Variants in KLHL41 observed in about 807,000 individuals in gnomAD.
The protein encoded by KLHL41 is kelch-like protein 41.
A neutral mutation model predicts 49.2 loss-of-function variants in KLHL41; 31 were observed. The observed-to-expected ratio is 0.63, with a 90% CI of 0.47 to 0.85. KLHL41 has a LOEUF of 0.85. Among genes scored for constraint, KLHL41 ranks in the 40% least tolerant of loss-of-function variants. KLHL41 has a pLI of 0.00. For missense variants in KLHL41, 663 were observed against 726.7 expected (o/e 0.91, Z 1.01); for synonymous variants, 218 against 258.5 (o/e 0.84, Z 1.50).
rs1418450331 is a variant in KLHL41, at chr2:169,525,679, A to C, written c.1804A>C (p.Lys602Gln). Residue 602 changes from lysine (K) to glutamine (Q), a missense_variant, in exon 6 of 6, where the codon AAA becomes CAA. Around this residue, in one of 3 missense-constraint regions of KLHL41, gnomAD observed 528 missense variants for 581.0 expected, o/e 0.91. Coordinates refer to ENST00000284669, the MANE Select transcript of KLHL41 (RefSeq NM_006063.3). The part of the protein sequence containing the change: ...SCLATRLNLF[K>Q]LSKL Reference sequence around the variant, plus strand: ...CCTAGCAACACGTTTAAATCTCTTCAAACTGTCTAAACTGTGAACAAGGTG... The same window carrying C: ...CCTAGCAACACGTTTAAATCTCTTCCAACTGTCTAAACTGTGAACAAGGTG... 7 of 1,597,856 alleles carry C rather than the reference A, an allele frequency of 4.4e-6. No homozygotes were observed. Among genetic ancestry groups the C allele is most frequent in the Non-Finnish European group, 6.0e-6 (7 of 1,165,480 alleles).
At chr2:169,522,526 G>GA (rs1178460689) in intron 5 of KLHL41, among the ~76,000 whole-genome samples, 1 of 151,942 alleles carries the variant, frequency 6.6e-6, no homozygotes, top group Non-Finnish European at 1.5e-5. Context: ...GGGTTTTTTG[G>GA]AAAACAGGGC....
Position 169,510,300 on chromosome 2 carries a change from G to A in KLHL41, c.522G>A (p.Leu174=). The A allele has an allele frequency of 6.2e-7, 1 of 1,614,054 alleles. No individual in the cohort carries two copies. Among genetic ancestry groups the A allele is most frequent in the Non-Finnish European group, 8.5e-7 (1 of 1,180,018 alleles). Residue 174 remains leucine (L), a synonymous_variant, in exon 1 of 6, where the codon CTG becomes CTA. Coordinates refer to ENST00000284669, the MANE Select transcript of KLHL41 (RefSeq NM_006063.3). This position sits in a 1 kb window ranked among gnomAD's most constrained non-coding sequence, Gnocchi z 4.2. ...GTAAGGAAGAGGACTTTATGCAACTGTCTCCACAGGAACTGATCTCAGTCA... is the reference window on the plus strand; with the variant it reads ...GTAAGGAAGAGGACTTTATGCAACTATCTCCACAGGAACTGATCTCAGTCA... ...QICKEEDFMQ[L]SPQELISVIS...
At chr2:169,511,424 A>T (rs2105308505) in intron 1 of KLHL41, among the ~76,000 whole-genome samples, 1 of 152,288 alleles carries the variant, frequency 6.6e-6, no homozygotes, top group Non-Finnish European at 1.5e-5. Flanking sequence ...TAGTTTCCCT[A>T]AATCAAAGTT....
intron 4 of KLHL41, among the ~76,000 whole-genome samples, chr2:169,520,230 C>T (rs1313491194): frequency 1.5e-5 from 2 of 132,040 alleles, no homozygotes; most frequent in Non-Finnish European, 3.1e-5. Context: ...TTTTGTTGCC[C>T]AGGCTGGTCT....
rs150768955 is a variant in KLHL41 at position 169,510,859 on chromosome 2, G to C, written c.1081G>C (p.Asp361His). Residue 361 changes from aspartate to histidine, a missense_variant, in exon 1 of 6, where the codon GAT (aspartate) becomes CAT (histidine). By Grantham distance (81) the Asp-to-His change is moderately conservative. Around this residue, in one of 3 missense-constraint regions of KLHL41, gnomAD observed 528 missense variants for 581.0 expected, o/e 0.91. Transcript: ENST00000284669. The surrounding 1 kb of genome is among the most constrained non-coding windows in gnomAD (Gnocchi z 4.2). ...GGLYVDEENK[D>H]QPLQSYFFQL... ...ACTATATGTGGATGAAGAAAATAAG[G>C]ATCAACCTCTACAGTCATACTTCTT... 47 of 1,613,682 alleles carry C rather than the reference G, an allele frequency of 2.9e-5. No individual in the cohort carries two copies. Among genetic ancestry groups the C allele is most frequent in the Non-Finnish European group, 4.0e-5 (47 of 1,179,888 alleles).
chr2:169,519,936 A>G (rs1004394672), intron 4 of KLHL41, among the ~76,000 whole-genome samples: 2 of 151,940 alleles, frequency 1.3e-5, no homozygotes, highest in African/African-American at 4.8e-5. Context: ...ATGAAGTTAC[A>G]TCTTTCAAAT....
Position 169,510,920 on chromosome 2 carries a change from T to TA in KLHL41, c.1110+35dup. Reference sequence around the variant, plus strand: ...AGGACTTTTTGTATATGTAGTTGCTTAAAGGGAAGGCTGTTACTCACCATC... The same window carrying TA: ...AGGACTTTTTGTATATGTAGTTGCTTAAAAGGGAAGGCTGTTACTCACCATC... On this transcript the variant is annotated intron_variant, in intron 1 of 5. Coordinates refer to ENST00000284669, the MANE Select transcript of KLHL41 (RefSeq NM_006063.3). This position sits in a 1 kb window ranked among gnomAD's most constrained non-coding sequence, Gnocchi z 4.2. The TA allele has an allele frequency of 1.9e-6, 3 of 1,575,494 alleles. No individual in the cohort carries two copies. The highest frequency in any genetic ancestry group is 2.6e-6 in the Non-Finnish European group (3 of 1,155,896).
rs750026218 is a variant in KLHL41, at chr2:169,510,525, G to GA, written c.754dup (p.Ile252AsnfsTer16). On this transcript the variant is annotated frameshift_variant, in exon 1 of 6. Coordinates refer to ENST00000284669, the MANE Select transcript of KLHL41 (RefSeq NM_006063.3). LOFTEE classifies it high-confidence loss of function. This position sits in a 1 kb window ranked among gnomAD's most constrained non-coding sequence, Gnocchi z 4.2. ...TAATTAAAAGCAACCCAGACCTCCAGAAAAAAATCAAAGTTCTAAAAGATG... is the reference window on the plus strand; with the variant it reads ...TAATTAAAAGCAACCCAGACCTCCAGAAAAAAAATCAAAGTTCTAAAAGATG... 9 of 1,613,086 alleles carry GA rather than the reference G, an allele frequency of 5.6e-6. No homozygotes were observed. Among genetic ancestry groups the GA allele is most frequent in the South Asian group, 3.3e-5 (3 of 90,898 alleles).
intron 3 of KLHL41, among the ~76,000 whole-genome samples, chr2:169,516,641 T>C (rs1243559177): frequency 6.6e-6 from 1 of 152,224 alleles, no homozygotes; most frequent in African/African-American, 2.4e-5. Flanking sequence ...TCAGTAGGAA[T>C]ATATCAATCT....
At position 169,510,074 on chromosome 2, in the gene KLHL41, AT is replaced by A; in HGVS notation, c.297del (p.Asn99LysfsTer38). On this transcript the variant is annotated frameshift_variant, in exon 1 of 6. Transcript: ENST00000284669. LOFTEE classifies it high-confidence loss of function. This position sits in a 1 kb window ranked among gnomAD's most constrained non-coding sequence, Gnocchi z 4.2. ...KYLYSASIDL[N>X]DGNVQDIFAL... ...CTGTACTCTGCCAGTATTGATCTCAATGACGGAAATGTGCAAGATATTTTTG... is the reference window on the plus strand; with the variant it reads ...CTGTACTCTGCCAGTATTGATCTCAAGACGGAAATGTGCAAGATATTTTTG... The A allele has an allele frequency of 6.2e-7, 1 of 1,614,196 alleles. No individual in the cohort carries two copies. Among genetic ancestry groups the A allele is most frequent in the Non-Finnish European group, 8.5e-7 (1 of 1,180,042 alleles).
intron 1 of KLHL41, among the ~76,000 whole-genome samples, chr2:169,511,645 A>G (rs1392787867): frequency 6.6e-6 from 1 of 152,194 alleles, no homozygotes; most frequent in African/African-American, 2.4e-5. Context: ...AAAAACTTGT[A>G]TATATATTCC....
rs778531652 is a variant in KLHL41, at chr2:169,518,295, A to G, written c.1482A>G (p.Lys494=). ...PRSMFGVAVH[K]GKIVIAGGVT... The stretch of plus-strand genomic sequence containing the variant: ...CCATGTTTGGAGTAGCAGTCCATAA[A>G]GGCAAAATTGTGATTGCAGGAGGTG... The change falls in exon 4 of 6, where the codon AAA becomes AAG. Residue 494 remains lysine, a synonymous_variant. Coordinates refer to ENST00000284669, the MANE Select transcript of KLHL41 (RefSeq NM_006063.3). 6.2e-7 allele frequency: 1 copy of G among 1,614,118 alleles called. No homozygotes were observed. The highest frequency in any genetic ancestry group is 8.5e-7 in the Non-Finnish European group (1 of 1,179,964).
Position 169,525,201 on chromosome 2 carries a change from G to A in KLHL41, c.1710-384G>A, listed in dbSNP as rs375362468. Among the ~76,000 whole-genome samples, 5 of 152,196 alleles carry A rather than the reference G, an allele frequency of 3.3e-5. No homozygotes were observed. In the East Asian group the frequency reaches 5.8e-4, roughly 18 times the overall value. On this transcript the variant is annotated intron_variant, in intron 5 of 5. Coordinates refer to ENST00000284669, the MANE Select transcript of KLHL41 (RefSeq NM_006063.3). The stretch of plus-strand genomic sequence containing the variant: ...AATTGAAGGCATAATTAAGTCTACC[G>A]ATAGTCCCTGCTCTTCCTCAGTTCT...
chr2:169,520,926 C>G lies in KLHL41; in HGVS notation c.1628C>G (p.Ser543Cys). 1 of 1,613,780 alleles carries G rather than the reference C, an allele frequency of 6.2e-7. No individual in the cohort carries two copies. The highest frequency in any genetic ancestry group is 1.1e-5 in the South Asian group (1 of 91,082). Residue 543 changes from serine to cysteine, a missense_variant, in exon 5 of 6, where the codon TCT becomes TGT. Transcript: ENST00000284669. ...ATCAGTTTGGTCAGCCTGGCTGGAT[C>G]TCTGTATGCAATTGGTGGTTTTGCT... Reference protein sequence around the residue: ...SSISLVSLAGSLYAIGGFAMI... With the variant: ...SSISLVSLAGCLYAIGGFAMI...
intron 3 of KLHL41, among the ~76,000 whole-genome samples, chr2:169,517,277 T>C (rs1684131432): frequency 6.6e-6 from 1 of 152,106 alleles, no homozygotes; most frequent in Admixed American, 6.5e-5. Flanking sequence ...TGAACTCCCA[T>C]CAAATTATAG....
intron 3 of KLHL41, 66 bp from the exon 4 acceptor site, chr2:169,518,124 C>G: frequency 8.4e-7 from 1 of 1,195,152 alleles, no homozygotes; most frequent in Non-Finnish European, 1.2e-6. Context: ...CAAGCAAAGC[C>G]AAATTATTAG....
chr2:169,519,627 C>T (rs1014674369), intron 4 of KLHL41, among the ~76,000 whole-genome samples: 2 of 145,720 alleles, frequency 1.4e-5, no homozygotes. Context: ...GTATACCTTT[C>T]TGTACTTTCC....
chr2:169,514,769 A>G, intron 2 of KLHL41, 38 bp downstream of exon 2: 1 of 1,604,158 alleles, frequency 6.2e-7, no homozygotes. Context: ...TAAGCATTCA[A>G]GTATATGCGT....
rs1439025699 is a variant in KLHL41 at position 169,510,338 on chromosome 2, G to A, written c.560G>A (p.Ser187Asn). 1 of 1,614,022 alleles carries A rather than the reference G, an allele frequency of 6.2e-7. No individual in the cohort carries two copies. The highest frequency in any genetic ancestry group is 1.3e-5 in the African/African-American group (1 of 74,912). ...CTGATCTCAGTCATTTCAAATGACA[G>A]CCTAAATGTAGAAAAAGAAGAAGCA... is the stretch of plus-strand genomic sequence containing the variant. ...QELISVISNDSLNVEKEEAVF... is the reference protein window; with the variant it reads ...QELISVISNDNLNVEKEEAVF... Residue 187 changes from serine to asparagine, a missense_variant, in exon 1 of 6, where the codon AGC becomes AAC. Physicochemically the swap from Ser to Asn is conservative, Grantham distance 46 (BLOSUM62 1). This residue lies in a region of KLHL41 where 528 missense variants were observed against 581.0 expected (regional missense o/e 0.91). Transcript: ENST00000284669. The surrounding 1 kb of genome is among the most constrained non-coding windows in gnomAD (Gnocchi z 4.2).
Sources: allele counts gnomAD v4.1 joint callset (sites outside exome capture counted in the v4.1 genomes callset), GRCh38; gene constraint gnomAD v4.1.1; regional missense constraint gnomAD v4.1.1; non-coding constraint Gnocchi (gnomAD v3.1); transcripts MANE v1.5; gene names NCBI Gene and HGNC (gene_info 2026-07-23, HGNC 2026-07-21).